BACH2: variants seen among roughly 807,000 people sequenced by gnomAD.
BACH2 encodes the protein transcription regulator protein BACH2.
Under a neutral mutation model 61.8 loss-of-function variants are expected in BACH2, and 5 were observed. The observed-to-expected ratio is 0.08, with a 90% confidence interval of 0.04 to 0.17. BACH2 has a LOEUF of 0.17. BACH2 is among the 10% of genes least tolerant of loss of function. The probability of loss-of-function intolerance (pLI) is 1.00; values close to 1 mark genes in which losing one functional copy is unlikely to be tolerated. For synonymous variants in BACH2, 446 were observed against 440.1 expected (o/e 1.01, Z -0.17); for missense variants, 824 against 1,091.1 (o/e 0.76, Z 3.45).
At chr6:90,077,178 T>A (rs1781509245) in intron 5 of BACH2, among the ~76,000 whole-genome samples, 1 of 152,152 alleles carries the variant, frequency 6.6e-6, no homozygotes, top group Non-Finnish European at 1.5e-5. Context: ...AATCTGTCAT[T>A]CCTTATGAAA....
At chr6:90,086,474 C>G (rs944433216) in intron 5 of BACH2, among the ~76,000 whole-genome samples, 1 of 152,104 alleles carries the variant, frequency 6.6e-6, no homozygotes, top group African/African-American at 2.4e-5. Flanking sequence ...TTTAGGTTCA[C>G]AGTAAAACTG....
At chr6:90,042,783 T>A (rs1220448322) in intron 5 of BACH2, among the ~76,000 whole-genome samples, 2 of 152,244 alleles carry the variant, frequency 1.3e-5, no homozygotes, top group Non-Finnish European at 2.9e-5. Context: ...TAATTTATAC[T>A]GACCTAAGTT....
chr6:90,077,000 T>A (rs1281731745), intron 5 of BACH2, among the ~76,000 whole-genome samples: 1 of 152,202 alleles, frequency 6.6e-6, no homozygotes, highest in Non-Finnish European at 1.5e-5. Flanking sequence ...GACATGCACT[T>A]AAAATACATC....
chr6:90,000,829 G>A (rs1777097575), intron 6 of BACH2, among the ~76,000 whole-genome samples: 1 of 152,036 alleles, frequency 6.6e-6, no homozygotes, highest in South Asian at 2.1e-4. Context: ...GAAAAGTCAG[G>A]GAAAAGTCAT....
chr6:90,123,541 C>T (rs886327268), intron 4 of BACH2, among the ~76,000 whole-genome samples: 5 of 151,658 alleles, frequency 3.3e-5, no homozygotes, highest in Admixed American at 6.6e-5. Flanking sequence ...GAGGCCGAGG[C>T]GGGCGGATCA....
chr6:90,158,719 G>T (rs1449288289), intron 4 of BACH2, among the ~76,000 whole-genome samples: 1 of 145,572 alleles, frequency 6.9e-6, no homozygotes, highest in Non-Finnish European at 1.5e-5. Flanking sequence ...GGGAGGTAAC[G>T]ATATGGAGAT....
chr6:89,998,654 T>C (rs1225671299), intron 6 of BACH2, among the ~76,000 whole-genome samples: 1 of 152,086 alleles, frequency 6.6e-6, no homozygotes, highest in East Asian at 1.9e-4. Flanking sequence ...TATTCTATTT[T>C]CTTTGTGCTT....
chr6:90,192,327 A>C (rs1403401042), intron 4 of BACH2, among the ~76,000 whole-genome samples: 3 of 152,018 alleles, frequency 2.0e-5, no homozygotes, highest in Non-Finnish European at 4.4e-5. Context: ...TTAAAGAATA[A>C]ACCTATTCAA....
intron 6 of BACH2, among the ~76,000 whole-genome samples, chr6:89,959,114 C>T (rs1314959283): frequency 2.4e-5 from 2 of 82,594 alleles, no homozygotes; most frequent in Non-Finnish European, 5.7e-5. Flanking sequence ...CACACACACA[C>T]ACACACACAC....
chr6:90,252,971 G>A (rs147337703), intron 2 of BACH2, among the ~76,000 whole-genome samples: 120 of 152,336 alleles, frequency 7.9e-4, no homozygotes, highest in African/African-American at 2.5e-3. Flanking sequence ...AGGGCCAGGT[G>A]CAGTGGCTCA....
intron 5 of BACH2, among the ~76,000 whole-genome samples, chr6:90,070,465 G>A (rs757358765): frequency 1.1e-4 from 17 of 152,122 alleles, no homozygotes; most frequent in Non-Finnish European, 2.4e-4. Context: ...CCAGATGAGT[G>A]CTGAGTACCA....
At chr6:90,194,687 A>C (rs1768695445) in intron 4 of BACH2, among the ~76,000 whole-genome samples, 1 of 152,218 alleles carries the variant, frequency 6.6e-6, no homozygotes, top group Admixed American at 6.5e-5. Flanking sequence ...TTCTGCATCC[A>C]GCAGCTTTAA....
chr6:90,124,204 C>G (rs1263474591), intron 4 of BACH2, among the ~76,000 whole-genome samples: 1 of 152,102 alleles, frequency 6.6e-6, no homozygotes, highest in Admixed American at 6.5e-5. Context: ...GCAGCTGCAG[C>G]CAACTTTTAA....
rs77847243 is a variant in BACH2 at position 90,018,347 on chromosome 6, A to G, written c.-12-9491T>C. 5.3e-3 allele frequency among the ~76,000 whole-genome samples: 814 copies of G among 152,254 alleles called. 37 individuals are homozygous for G. In the East Asian group the frequency reaches 0.11, roughly 21 times the overall value. On this transcript the variant is annotated intron_variant, in intron 5 of 8. Coordinates refer to ENST00000257749, the MANE Select transcript of BACH2 (RefSeq NM_021813.4). ...TCCAGACTCTTAGTGCTGTCTCTTC[A>G]ACTGAAGAGTCAGCCAGCTCTTCCT...
chr6:90,205,172 G>A (rs539228260), intron 4 of BACH2, among the ~76,000 whole-genome samples: 2 of 152,288 alleles, frequency 1.3e-5, no homozygotes, highest in Non-Finnish European at 2.9e-5. Context: ...TTTAGTAGAA[G>A]AATTTCAACA....
At chr6:90,127,746 G>C (rs1783916286) in intron 4 of BACH2, among the ~76,000 whole-genome samples, 1 of 152,184 alleles carries the variant, frequency 6.6e-6, no homozygotes, top group African/African-American at 2.4e-5. Context: ...AGACTCTTTG[G>C]CTCAGCTCGG....
At chr6:90,182,611 C>T (rs760699884) in intron 4 of BACH2, among the ~76,000 whole-genome samples, 1 of 152,164 alleles carries the variant, frequency 6.6e-6, no homozygotes, top group African/African-American at 2.4e-5. Flanking sequence ...CACATTATAG[C>T]CTTCAATTAA....
rs1584487798 is a variant in BACH2 at position 89,928,053 on chromosome 6, C to T, written c.*4355G>A. ...GTGGACTGACTCACCAGAAATTGCACTTCCAACACAGTCTTCAGTTTGGGG... is the reference window on the plus strand; with the variant it reads ...GTGGACTGACTCACCAGAAATTGCATTTCCAACACAGTCTTCAGTTTGGGG... On this transcript the variant is annotated 3_prime_UTR_variant, in exon 9 of 9. Transcript: ENST00000257749. The T allele has an allele frequency of 6.6e-6, 1 of 152,366 alleles. No homozygotes were observed. Among genetic ancestry groups the T allele is most frequent in the African/African-American group, 2.4e-5 (1 of 41,452 alleles). 9.4% of individuals were successfully genotyped at this position (152,366 alleles called of 1,614,324 possible).
At chr6:90,093,897 G>C (rs945383449) in intron 4 of BACH2, among the ~76,000 whole-genome samples, 1 of 152,190 alleles carries the variant, frequency 6.6e-6, no homozygotes, top group Non-Finnish European at 1.5e-5. Flanking sequence ...ATATGGTAAT[G>C]CTACACTAAG....
Sources: gnomAD v4.1 joint callset for allele counts (sites outside exome capture counted in the v4.1 genomes callset) on GRCh38, gnomAD v4.1.1 for gene constraint, MANE v1.5 for transcripts, NCBI Gene and HGNC (gene_info 2026-07-23, HGNC 2026-07-21) for gene names.